Variants in ARHGAP12 observed in about 807,000 individuals in gnomAD.
The protein encoded by ARHGAP12 is Rho GTPase activating protein 12.
A neutral mutation model predicts 108.6 loss-of-function variants in ARHGAP12; 64 were observed. The ratio of observed to expected loss-of-function variants is 0.59; its 90% CI spans 0.48 to 0.73. The LOEUF is 0.73. ARHGAP12 is among the 30% of genes least tolerant of loss of function. ARHGAP12 has a pLI of 0.00. For synonymous variants in ARHGAP12, 312 were observed against 337.2 expected (o/e 0.93, Z 0.82); for missense variants, 940 against 1,005.9 (o/e 0.93, Z 0.89).
At chr10:31,915,241 C>G (rs1839505691) in intron 1 of ARHGAP12, among the ~76,000 whole-genome samples, 1 of 152,050 alleles carries the variant, frequency 6.6e-6, no homozygotes, top group South Asian at 2.1e-4. Flanking sequence ...ACAAAATTAG[C>G]CAGGCGTGGT....
chr10:31,809,288 T>C lies in ARHGAP12; in HGVS notation c.2070A>G (p.Ile690Met), dbSNP rs1485250867. 6 of 1,613,812 alleles carry C rather than the reference T, an allele frequency of 3.7e-6. No individual in the cohort carries two copies. In the Admixed American group the frequency reaches 8.3e-5, roughly 22 times the overall value. Reference sequence around the variant, plus strand: ...CTGCGAGGTTGCCACTTACTCTGTATATCCCATCAATATCCAAACCTAAGA... The same window carrying C: ...CTGCGAGGTTGCCACTTACTCTGTACATCCCATCAATATCCAAACCTAAGA... ...VEEHGLDIDG[I>M]YRVSGNLAVI... The change falls in exon 17 of 20, where the codon ATA becomes ATG. Residue 690 changes from isoleucine to methionine, a missense_variant. By Grantham distance (10) the Ile-to-Met change is conservative. Coordinates refer to ENST00000344936, the MANE Select transcript of ARHGAP12 (RefSeq NM_018287.7).
chr10:31,920,665 AGTTTTTGTTTTT>A (rs142244826), intron 1 of ARHGAP12, among the ~76,000 whole-genome samples: 13,669 of 151,896 alleles, frequency 0.09, 759 homozygotes, highest in Middle Eastern at 0.14. Flanking sequence ...ACTACAATAA[AGTTTTTGTTTTT>A]GTTTTTGTTT....
intron 4 of ARHGAP12, among the ~76,000 whole-genome samples, chr10:31,858,417 GACTA>G (rs1264439474): frequency 2.0e-5 from 3 of 152,064 alleles, no homozygotes; most frequent in Admixed American, 6.5e-5. Context: ...ACTATGCATA[GACTA>G]ACTACGCATG....
At chr10:31,917,840 G>A (rs1387153301) in intron 1 of ARHGAP12, among the ~76,000 whole-genome samples, 4 of 152,130 alleles carry the variant, frequency 2.6e-5, no homozygotes, top group Admixed American at 2.6e-4. Flanking sequence ...AGTCATGGTG[G>A]GCAAAGAACC....
chr10:31,903,843 A>C (rs1381631989), intron 3 of ARHGAP12, among the ~76,000 whole-genome samples: 1 of 152,208 alleles, frequency 6.6e-6, no homozygotes, highest in Non-Finnish European at 1.5e-5. Context: ...TATCAATGGC[A>C]AATAAACATA....
intron 12 of ARHGAP12, among the ~76,000 whole-genome samples, chr10:31,819,660 GA>G (rs1835336739): frequency 6.6e-6 from 1 of 152,182 alleles, no homozygotes; most frequent in Non-Finnish European, 1.5e-5. Context: ...GCTCCCTTGA[GA>G]ATGAAAGATC....
chr10:31,854,229 G>C, intron 4 of ARHGAP12, 23 bp from the exon 5 acceptor site: 1 of 1,570,756 alleles, frequency 6.4e-7, no homozygotes, highest in Admixed American at 2.0e-5. Flanking sequence ...AGAAACATAA[G>C]GATTTTTCTT....
intron 12 of ARHGAP12, 98 bp from the exon 13 acceptor site, chr10:31,817,984 A>G: frequency 1.2e-6 from 1 of 802,582 alleles, no homozygotes; most frequent in Non-Finnish European, 2.1e-6. Flanking sequence ...AACCACCAAG[A>G]GTAGCTGCCA....
At chr10:31,886,273 C>T (rs1429707142) in intron 3 of ARHGAP12, among the ~76,000 whole-genome samples, 1 of 152,148 alleles carries the variant, frequency 6.6e-6, no homozygotes, top group East Asian at 1.9e-4. Flanking sequence ...TTAATGTACA[C>T]ATTTTTTTAA....
intron 3 of ARHGAP12, among the ~76,000 whole-genome samples, chr10:31,888,953 A>G (rs958485471): frequency 6.6e-6 from 1 of 151,876 alleles, no homozygotes; most frequent in Admixed American, 6.6e-5. Flanking sequence ...TCTGTTGCCC[A>G]GGCTGGAGTG....
chr10:31,829,472 T>C (rs1042644098), intron 10 of ARHGAP12, among the ~76,000 whole-genome samples: 7 of 152,192 alleles, frequency 4.6e-5, no homozygotes, highest in Admixed American at 2.0e-4. Flanking sequence ...AGCAAACTTA[T>C]GTATTTTTTT....
chr10:31,896,266 T>C (rs1165566863), intron 3 of ARHGAP12, among the ~76,000 whole-genome samples: 5 of 138,216 alleles, frequency 3.6e-5, no homozygotes, highest in African/African-American at 1.4e-4. Context: ...TAAAATAAAA[T>C]AATGGATGTG....
At chr10:31,828,995 T>C (rs1339729251) in intron 10 of ARHGAP12, among the ~76,000 whole-genome samples, 3 of 152,040 alleles carry the variant, frequency 2.0e-5, no homozygotes, top group Non-Finnish European at 4.4e-5. Flanking sequence ...CTACTAAAAA[T>C]ACAAAAATTA....
intron 6 of ARHGAP12, 54 bp from the exon 7 acceptor site, chr10:31,843,640 G>C: frequency 2.0e-6 from 3 of 1,500,800 alleles, no homozygotes; most frequent in Non-Finnish European, 2.7e-6. Context: ...CAATAGAAAT[G>C]AAAGTGGAAT....
chr10:31,862,828 A>G (rs1292935212), intron 3 of ARHGAP12, among the ~76,000 whole-genome samples: 4 of 152,164 alleles, frequency 2.6e-5, no homozygotes, highest in Admixed American at 2.6e-4. Context: ...CTAGTTGAGG[A>G]ACCACTGCTT....
At chr10:31,925,718 C>A (rs1453465631) in intron 1 of ARHGAP12, among the ~76,000 whole-genome samples, 1 of 152,160 alleles carries the variant, frequency 6.6e-6, no homozygotes, top group Admixed American at 6.5e-5. Flanking sequence ...TGAGGCCAAT[C>A]TGAAAATACA....
intron 1 of ARHGAP12, among the ~76,000 whole-genome samples, chr10:31,917,200 G>A (rs866754909): frequency 3.6e-4 from 54 of 151,928 alleles, no homozygotes; most frequent in Middle Eastern, 3.4e-3. Context: ...ATGAGGTCAG[G>A]AAATCGAGAC....
Position 31,854,214 on chromosome 10 carries a change from T to G in ARHGAP12, c.949-8A>C. 6.3e-7 allele frequency: 1 copy of G among 1,597,348 alleles called. No homozygotes were observed. The highest frequency in any genetic ancestry group is 8.5e-7 in the Non-Finnish European group (1 of 1,175,478). On this transcript the variant is annotated splice_polypyrimidine_tract_variant and splice_region_variant and intron_variant, in intron 4 of 19. Transcript: ENST00000344936. ...TTCTTCCGATGAAAGAAGCTACAAA[T>G]AGTCAGAAACATAAGGATTTTTCTT...
At chr10:31,917,181 G>A (rs540526539) in intron 1 of ARHGAP12, among the ~76,000 whole-genome samples, 4 of 151,904 alleles carry the variant, frequency 2.6e-5, no homozygotes, top group Admixed American at 1.3e-4. Context: ...GGGCTGAGGC[G>A]GGCAGATCAT....
Sources: gnomAD v4.1 joint callset for allele counts (sites outside exome capture counted in the v4.1 genomes callset) on GRCh38, gnomAD v4.1.1 for gene constraint, MANE v1.5 for transcripts, NCBI Gene and HGNC (gene_info 2026-07-23, HGNC 2026-07-21) for gene names.